KLRG1: variants seen among roughly 807,000 people sequenced by gnomAD.
KLRG1 encodes killer cell lectin like receptor G1.
KLRG1 carries 16 observed loss-of-function variants against 21.8 expected under a neutral mutation model. That is an observed-to-expected ratio of 0.73 (90% CI 0.50 to 1.11). KLRG1 has a LOEUF of 1.11. Among genes scored for constraint, KLRG1 ranks in the 50% most tolerant of loss-of-function variants. KLRG1 has a pLI of 0.00. For missense variants in KLRG1, 173 were observed against 218.3 expected (o/e 0.79, Z 1.31); for synonymous variants, 69 against 75.9 (o/e 0.91, Z 0.47).
chr12:8,994,970 C>T (rs1947084689), intron 2 of KLRG1, 149 bp from the exon 3 acceptor site: 1 of 585,840 alleles, frequency 1.7e-6, no homozygotes, highest in Non-Finnish European at 2.8e-6. Context: ...AAATTGACAC[C>T]ACGCATTGTT....
chr12:9,070,879 G>A, the KLRG1 span, among the ~76,000 whole-genome samples: 1 of 151,442 alleles, frequency 6.6e-6, no homozygotes, highest in African/African-American at 2.4e-5. Context: ...GGAGTGCAAT[G>A]GCATGATTTC....
the KLRG1 span, chr12:9,052,816 G>A: frequency 2.2e-6 from 1 of 455,048 alleles, no homozygotes; most frequent in Non-Finnish European, 4.4e-6. Flanking sequence ...ACATCATAAT[G>A]TGATTGTGAG....
chr12:9,151,798 A>G, the KLRG1 span: 33 of 686,360 alleles, frequency 4.8e-5, 1 homozygote, highest in South Asian at 7.3e-4. Flanking sequence ...AATTGTTTTC[A>G]GGTCAGGAGT....
At chr12:9,058,651 G>T in the KLRG1 span, 1 of 152,488 alleles carries the variant, frequency 6.6e-6, no homozygotes, top group Non-Finnish European at 1.5e-5. Context: ...GATGAGGAAT[G>T]AGGATGTAAA....
the KLRG1 span, chr12:9,099,254 C>A: frequency 1.2e-6 from 1 of 864,088 alleles, no homozygotes; most frequent in South Asian, 1.7e-5. Context: ...CTGCCACTAC[C>A]TTGCTGAATG....
chr12:9,101,655 C>T, the KLRG1 span: 5 of 1,613,150 alleles, frequency 3.1e-6, no homozygotes, highest in East Asian at 2.2e-5. Context: ...GTAACAGGGA[C>T]TACGATCCTT....
the KLRG1 span, chr12:9,169,991 TCAGA>T: frequency 6.5e-6 from 1 of 154,152 alleles, no homozygotes; most frequent in Non-Finnish European, 1.4e-5. Flanking sequence ...AGGCTTATTC[TCAGA>T]CAGAAAATCG....
the KLRG1 span, chr12:9,194,176 A>G: frequency 1.2e-6 from 2 of 1,614,052 alleles, no homozygotes; most frequent in Admixed American, 3.3e-5. Context: ...AATTGGCGTC[A>G]TTCACAGAGA....
chr12:9,208,230 T>C, the KLRG1 span: 4 of 1,581,320 alleles, frequency 2.5e-6, no homozygotes, highest in Non-Finnish European at 2.6e-6. Flanking sequence ...AAACGCACTC[T>C]GGAGGAAGGG....
chr12:9,029,338 CCCAAGTAGCTGGGATTACAGGCATGTG>C, the KLRG1 span, among the ~76,000 whole-genome samples: 1 of 152,216 alleles, frequency 6.6e-6, no homozygotes, highest in African/African-American at 2.4e-5. Context: ...GCTTCAGCCT[CCCAAGTAGCTGGGATTACAGGCATGTG>C]CCACCAGGCC....
chr12:9,195,162 CA>C, the KLRG1 span, among the ~76,000 whole-genome samples: 1 of 151,900 alleles, frequency 6.6e-6, no homozygotes, highest in Non-Finnish European at 1.5e-5. Flanking sequence ...ATTGGATCTT[CA>C]AAAATTATTT....
chr12:9,055,912 C>T, the KLRG1 span, among the ~76,000 whole-genome samples: 1 of 152,218 alleles, frequency 6.6e-6, no homozygotes, highest in African/African-American at 2.4e-5. Flanking sequence ...TTCATTTACA[C>T]TCTTCTGATA....
At chr12:9,076,134 T>C in the KLRG1 span, among the ~76,000 whole-genome samples, 1 of 152,226 alleles carries the variant, frequency 6.6e-6, no homozygotes, top group Admixed American at 6.5e-5. Flanking sequence ...CCAGAATTCA[T>C]TCAAGGAGTT....
chr12:9,053,842 T>C, the KLRG1 span, among the ~76,000 whole-genome samples: 1 of 152,192 alleles, frequency 6.6e-6, no homozygotes, highest in African/African-American at 2.4e-5. Flanking sequence ...CTAATGAAAC[T>C]ACTGACATCA....
chr12:9,141,419 A>T, the KLRG1 span, among the ~76,000 whole-genome samples: 4 of 152,168 alleles, frequency 2.6e-5, no homozygotes, highest in Non-Finnish European at 4.4e-5. Context: ...ATAAGGTAAG[A>T]TTTCTATAGA....
At chr12:9,060,066 G>A in the KLRG1 span, among the ~76,000 whole-genome samples, 5 of 141,588 alleles carry the variant, frequency 3.5e-5, no homozygotes, top group East Asian at 2.1e-4. Flanking sequence ...GTGCAGTGGC[G>A]TGATCTCGGC....
At position 9,009,791 on chromosome 12, in the gene KLRG1, G is replaced by T; in HGVS notation, c.*254G>T. 7.1e-7 allele frequency: 1 copy of T among 1,412,448 alleles called. No homozygotes were observed. The highest frequency in any genetic ancestry group is 9.2e-7 in the Non-Finnish European group (1 of 1,089,628). 87.5% of individuals were successfully genotyped at this position (1,412,448 alleles called of 1,614,324 possible). On this transcript the variant is annotated 3_prime_UTR_variant, in exon 5 of 5. Coordinates refer to ENST00000356986, the MANE Select transcript of KLRG1 (RefSeq NM_005810.4). ...ATTTTGAAATAGATGTTTGTTTTTT[G>T]TATTTCTCAGTATGGAAACTAATGC...
chr12:9,163,672 A>T, the KLRG1 span: 1 of 1,613,118 alleles, frequency 6.2e-7, no homozygotes, highest in Admixed American at 1.7e-5. Flanking sequence ...TGTTACCTCC[A>T]CCAACAGGGT....
At chr12:9,046,097 G>A in the KLRG1 span, among the ~76,000 whole-genome samples, 31 of 152,268 alleles carry the variant, frequency 2.0e-4, no homozygotes, top group East Asian at 6.0e-3. Context: ...TAGGTGATGG[G>A]TTGATAGGTG....
Sources: allele counts gnomAD v4.1 joint callset (sites outside exome capture counted in the v4.1 genomes callset), GRCh38; gene constraint gnomAD v4.1.1; transcripts MANE v1.5; gene names NCBI Gene and HGNC (gene_info 2026-07-23, HGNC 2026-07-21).